ATP2B2: variants seen among roughly 807,000 people sequenced by gnomAD.
ATP2B2 encodes ATPase plasma membrane Ca2+ transporting 2.
A neutral mutation model predicts 120.0 loss-of-function variants in ATP2B2; 15 were observed. That is an observed-to-expected ratio of 0.12 (90% CI 0.08 to 0.19). The LOEUF (loss-of-function observed/expected upper bound fraction) is 0.19. ATP2B2 is among the 10% of genes least tolerant of loss of function. The pLI, the probability that ATP2B2 is intolerant of heterozygous loss-of-function variation, is 1.00. For missense variants in ATP2B2, 1,045 were observed against 1,719.8 expected, an observed-to-expected ratio of 0.61 and a Z score of 6.94; for synonymous variants, 694 against 700.3, an observed-to-expected ratio of 0.99 and a Z score of 0.14.
intron 1 of ATP2B2, among the ~76,000 whole-genome samples, chr3:10,451,279 G>T (rs141997017): frequency 7.2e-5 from 11 of 152,176 alleles, no homozygotes; most frequent in Admixed American, 1.3e-4. Flanking sequence ...CCTGGTGGGT[G>T]GGTGGACTGT....
intron 1 of ATP2B2, among the ~76,000 whole-genome samples, chr3:10,640,924 A>C (rs570036236): frequency 3.3e-5 from 5 of 152,320 alleles, no homozygotes; most frequent in Non-Finnish European, 7.3e-5. Context: ...CTCTGATAGC[A>C]TGCCACGTGG....
At chr3:10,696,956 T>C (rs1333478389) in intron 1 of ATP2B2, among the ~76,000 whole-genome samples, 1 of 152,238 alleles carries the variant, frequency 6.6e-6, no homozygotes, top group African/African-American at 2.4e-5. Flanking sequence ...ATTAAATTTT[T>C]ATGATATGCT....
chr3:10,395,406 C>T (rs1238066753), intron 5 of ATP2B2, among the ~76,000 whole-genome samples: 1 of 152,144 alleles, frequency 6.6e-6, no homozygotes, highest in Non-Finnish European at 1.5e-5. Context: ...GTCAAGTTTC[C>T]TGAATTGATG....
At chr3:10,435,055 A>T (rs2063434712) in intron 2 of ATP2B2, among the ~76,000 whole-genome samples, 1 of 152,168 alleles carries the variant, frequency 6.6e-6, no homozygotes, top group Non-Finnish European at 1.5e-5. Context: ...TTAAGAGCAC[A>T]AGGTCTGGTC....
chr3:10,482,870 A>C (rs915044471), intron 1 of ATP2B2, among the ~76,000 whole-genome samples: 2 of 152,242 alleles, frequency 1.3e-5, no homozygotes, highest in African/African-American at 4.8e-5. Context: ...ATGCCTGTGC[A>C]TGAGGGCCCT....
rs2060176061 is a variant in ATP2B2 at position 10,338,120 on chromosome 3, C to T, written c.3420+56G>A. 7 of 1,607,958 alleles carry T rather than the reference C, an allele frequency of 4.4e-6. No individual in the cohort carries two copies. The South Asian group carries it at 7.7e-5, about 18-fold the overall frequency. ...GGGGCAGCACAAGCACACTCACCTC[C>T]ATCCCCTGGCCCGCCCCGGCCAGGC... On this transcript the variant is annotated intron_variant, in intron 22 of 22. Coordinates refer to ENST00000360273, the MANE Select transcript of ATP2B2 (RefSeq NM_001001331.4).
chr3:10,609,105 C>T (rs1157394665), intron 2 of ATP2B2, among the ~76,000 whole-genome samples: 1 of 152,220 alleles, frequency 6.6e-6, no homozygotes, highest in Non-Finnish European at 1.5e-5. Context: ...CTCCTCCAAT[C>T]GAAACAGCCA....
chr3:10,601,211 C>T (rs920171938), intron 2 of ATP2B2, among the ~76,000 whole-genome samples: 11 of 152,138 alleles, frequency 7.2e-5, no homozygotes, highest in Non-Finnish European at 1.2e-4. Context: ...AGAAGGAGTC[C>T]CCAGAGGCCA....
chr3:10,634,676 A>G (rs2069970150), intron 1 of ATP2B2, among the ~76,000 whole-genome samples: 1 of 152,212 alleles, frequency 6.6e-6, no homozygotes, highest in Non-Finnish European at 1.5e-5. Flanking sequence ...CATTTGAGTC[A>G]GTCCCCTGCC....
chr3:10,650,753 T>TAC (rs2070437924), intron 1 of ATP2B2, among the ~76,000 whole-genome samples: 1 of 152,096 alleles, frequency 6.6e-6, no homozygotes, highest in Non-Finnish European at 1.5e-5. Context: ...TAATGGTAGG[T>TAC]ACATTGACAG....
intron 2 of ATP2B2, among the ~76,000 whole-genome samples, chr3:10,583,109 C>T (rs1395524982): frequency 1.3e-5 from 2 of 152,180 alleles, no homozygotes; most frequent in Non-Finnish European, 2.9e-5. Flanking sequence ...TCATCACGAC[C>T]TCGGTTTGCT....
At chr3:10,457,929 G>A (rs1024350956) in intron 1 of ATP2B2, among the ~76,000 whole-genome samples, 12 of 152,122 alleles carry the variant, frequency 7.9e-5, no homozygotes, top group Non-Finnish European at 1.3e-4. Flanking sequence ...TCACCCTCAC[G>A]CCTGGCCTGA....
chr3:10,504,608 G>A (rs953984770), intron 1 of ATP2B2, among the ~76,000 whole-genome samples: 14 of 150,244 alleles, frequency 9.3e-5, no homozygotes, highest in South Asian at 2.2e-4. Context: ...GAGGACAGCC[G>A]TGGTGTGGAA....
intron 1 of ATP2B2, among the ~76,000 whole-genome samples, chr3:10,451,437 C>T (rs891596512): frequency 1.5e-4 from 23 of 152,194 alleles, no homozygotes; most frequent in African/African-American, 4.1e-4. Context: ...CTCTTCCTTA[C>T]CCCTACCCCT....
At chr3:10,338,998 C>A (rs144947343) in intron 21 of ATP2B2, 1 of 153,606 alleles carries the variant, frequency 6.5e-6, no homozygotes, top group Admixed American at 6.4e-5. Context: ...AGGACCCAGA[C>A]GCAGGCCCTA....
intron 2 of ATP2B2, among the ~76,000 whole-genome samples, chr3:10,576,141 T>C (rs1192691069): frequency 6.6e-6 from 1 of 152,248 alleles, no homozygotes; most frequent in Non-Finnish European, 1.5e-5. Context: ...GTTTGCTGAC[T>C]GGAGGTGTCC....
At chr3:10,597,048 C>G (rs138752081) in intron 2 of ATP2B2, among the ~76,000 whole-genome samples, 1 of 131,754 alleles carries the variant, frequency 7.6e-6, no homozygotes, top group Non-Finnish European at 1.6e-5. Context: ...CACACAGGTG[C>G]GCACACACAC....
intron 1 of ATP2B2, among the ~76,000 whole-genome samples, chr3:10,693,807 C>T (rs1251737549): frequency 1.3e-5 from 2 of 152,184 alleles, no homozygotes; most frequent in African/African-American, 4.8e-5. Flanking sequence ...TAGTAGGAAG[C>T]CAATAGATGA....
intron 1 of ATP2B2, among the ~76,000 whole-genome samples, chr3:10,691,939 G>A (rs1289425826): frequency 5.3e-5 from 8 of 152,172 alleles, no homozygotes; most frequent in Admixed American, 5.2e-4. Flanking sequence ...CCAATACTGC[G>A]ATGGTCTGAT....
Sources: gnomAD v4.1 joint callset for allele counts (sites outside exome capture counted in the v4.1 genomes callset) on GRCh38, gnomAD v4.1.1 for gene constraint, MANE v1.5 for transcripts, NCBI Gene and HGNC (gene_info 2026-07-23, HGNC 2026-07-21) for gene names.